The following LTBP2 variants were observed in gnomAD, a reference collection of about 807,000 sequenced individuals.
The protein encoded by LTBP2 is latent transforming growth factor beta binding protein 2.
A neutral mutation model predicts 210.6 loss-of-function variants in LTBP2; 103 were observed. The observed-to-expected ratio is 0.49, with a 90% CI of 0.42 to 0.58. LTBP2 has a LOEUF of 0.58. Among genes scored for constraint, LTBP2 ranks in the 20% least tolerant of loss-of-function variants. The pLI is 0.00. For missense variants in LTBP2, 2,313 were observed against 2,494.5 expected (o/e 0.93, Z 1.55); for synonymous variants, 1,007 against 1,015.0 (o/e 0.99, Z 0.15).
At chr14:74,597,083 C>A (rs1179489162) in intron 2 of LTBP2, among the ~76,000 whole-genome samples, 1 of 152,136 alleles carries the variant, frequency 6.6e-6, no homozygotes, top group East Asian at 1.9e-4. Flanking sequence ...CAGACTAAGT[C>A]CTGGGAAACC....
At chr14:74,581,850 G>C (rs1302640068) in intron 3 of LTBP2, among the ~76,000 whole-genome samples, 5 of 152,068 alleles carry the variant, frequency 3.3e-5, no homozygotes, top group African/African-American at 1.2e-4. Context: ...GGTGTGCAGA[G>C]AGGAAGAGAT....
At chr14:74,605,119 G>C (rs1001132995) in intron 1 of LTBP2, among the ~76,000 whole-genome samples, 18 of 152,216 alleles carry the variant, frequency 1.2e-4, no homozygotes, top group African/African-American at 4.3e-4. Flanking sequence ...TGCAGAGGCT[G>C]GACAGGCAAA....
chr14:74,504,730 G>A, intron 30 of LTBP2, 48 bp downstream of exon 30: 3 of 1,566,152 alleles, frequency 1.9e-6, no homozygotes, highest in Non-Finnish European at 2.6e-6. Context: ...GAGCAGGCTA[G>A]GGCCCACTCA....
chr14:74,563,030 C>T (rs984660133), intron 3 of LTBP2, among the ~76,000 whole-genome samples: 2 of 152,282 alleles, frequency 1.3e-5, no homozygotes, highest in Admixed American at 1.3e-4. Context: ...TTCTTCCAAG[C>T]CATGCTCTTG....
intron 1 of LTBP2, among the ~76,000 whole-genome samples, chr14:74,604,164 C>CAAAAAAAAAAAAAAAAAAAAAAAAA (rs59313477): frequency 3.3e-4 from 24 of 72,708 alleles, no homozygotes; most frequent in African/African-American, 1.4e-3. Context: ...TGCCTCTCAC[C>CAAAAAAAAAAAAAAAAAAAAAAAAA]AAAAAAAAAA....
chr14:74,506,788 T>C lies in LTBP2; in HGVS notation c.3943A>G (p.Ser1315Gly). 1 of 1,614,076 alleles carries C rather than the reference T, an allele frequency of 6.2e-7. No homozygotes were observed. Among genetic ancestry groups the C allele is most frequent in the Non-Finnish European group, 8.5e-7 (1 of 1,180,016 alleles). The part of the protein sequence containing the change: ...DECANDTMCG[S>G]HGFCDNTDGS... ...TCAGTGTTGTCACAGAAGCCGTGGC[T>C]GCCACACATGGTGTCGTTGGCGCAC... The change falls in exon 27 of 36, where the codon AGC becomes GGC. Residue 1315 changes from serine to glycine, a missense_variant. By Grantham distance (56) the Ser-to-Gly change is moderately conservative. Coordinates refer to ENST00000261978, the MANE Select transcript of LTBP2 (RefSeq NM_000428.3).
chr14:74,551,203 G>C lies in LTBP2; in HGVS notation c.1547C>G (p.Pro516Arg). Reference sequence around the variant, plus strand: ...CCAGAGGCTGTGGCCAGGGCTGGCAGGCAGCCAGGGCGGGGGTCTGGTCTC... The same window carrying C: ...CCAGAGGCTGTGGCCAGGGCTGGCACGCAGCCAGGGCGGGGGTCTGGTCTC... ...SVETRPPPWL[P>R]ASPGHSLWDS... Residue 516 changes from proline (P) to arginine (R), a missense_variant, in exon 7 of 36, where the codon CCT (proline) becomes CGT (arginine). Coordinates refer to ENST00000261978, the MANE Select transcript of LTBP2 (RefSeq NM_000428.3). 6.2e-7 allele frequency: 1 copy of C among 1,613,594 alleles called. No individual in the cohort carries two copies. Among genetic ancestry groups the C allele is most frequent in the South Asian group, 1.1e-5 (1 of 91,082 alleles).
At chr14:74,544,954 C>T (rs2087559143) in intron 8 of LTBP2, among the ~76,000 whole-genome samples, 2 of 152,202 alleles carry the variant, frequency 1.3e-5, no homozygotes, top group African/African-American at 4.8e-5. Flanking sequence ...AGCCTACACC[C>T]TTCTCCCTAG....
chr14:74,501,412 T>G lies in LTBP2; in HGVS notation c.5320+29A>C, dbSNP rs563278459. ...CGTCTCTGTGGGCAGTGGGCCAGCCTGACTCCTCCATCAGAATTCTGCACT... is the reference window on the plus strand; with the variant it reads ...CGTCTCTGTGGGCAGTGGGCCAGCCGGACTCCTCCATCAGAATTCTGCACT... On this transcript the variant is annotated intron_variant, in intron 35 of 35. Transcript: ENST00000261978. The G allele has an allele frequency of 7.4e-6, 12 of 1,613,934 alleles. No individual in the cohort carries two copies. In the Admixed American group the frequency reaches 2.0e-4, roughly 27 times the overall value.
At chr14:74,526,648 G>C (rs1196498744) in intron 13 of LTBP2, among the ~76,000 whole-genome samples, 2 of 152,218 alleles carry the variant, frequency 1.3e-5, no homozygotes, top group Non-Finnish European at 2.9e-5. Context: ...CAGAGTTAGA[G>C]CTTTGGCCTG....
chr14:74,594,501 C>A (rs1015797425), intron 2 of LTBP2, among the ~76,000 whole-genome samples: 6 of 152,200 alleles, frequency 3.9e-5, no homozygotes, highest in Non-Finnish European at 8.8e-5. Flanking sequence ...AAGACCCTAT[C>A]CACTGAGCCA....
chr14:74,585,084 C>A (rs1432251334), intron 3 of LTBP2, among the ~76,000 whole-genome samples: 2 of 152,198 alleles, frequency 1.3e-5, no homozygotes, highest in Non-Finnish European at 2.9e-5. Context: ...GAAATGGACT[C>A]GTTTATAAAG....
chr14:74,566,538 A>C (rs763364544), intron 3 of LTBP2, among the ~76,000 whole-genome samples: 1 of 152,110 alleles, frequency 6.6e-6, no homozygotes, highest in Non-Finnish European at 1.5e-5. Context: ...GCCCTTGCAG[A>C]GCTCTGCTCC....
intron 13 of LTBP2, 103 bp from the exon 14 acceptor site, chr14:74,526,217 C>T: frequency 8.8e-7 from 1 of 1,134,988 alleles, no homozygotes. Flanking sequence ...CTACCAGGAG[C>T]TCATTCATGT....
intron 8 of LTBP2, among the ~76,000 whole-genome samples, chr14:74,545,122 C>T (rs1047748662): frequency 3.3e-5 from 5 of 152,146 alleles, no homozygotes; most frequent in Non-Finnish European, 7.4e-5. Flanking sequence ...GCATCCTGAT[C>T]TTTGTTTCCT....
At chr14:74,572,461 T>TA (rs1288783435) in intron 3 of LTBP2, among the ~76,000 whole-genome samples, 2 of 150,520 alleles carry the variant, frequency 1.3e-5, no homozygotes, top group Non-Finnish European at 3.0e-5. Flanking sequence ...TTTTTTTTTT[T>TA]AAACTGTGAT....
At chr14:74,509,174 C>T in intron 22 of LTBP2, 64 bp downstream of exon 22, 3 of 1,611,910 alleles carry the variant, frequency 1.9e-6, no homozygotes, top group African/African-American at 1.3e-5. Context: ...ACCTGCTGGG[C>T]TTCACCATGG....
intron 1 of LTBP2, among the ~76,000 whole-genome samples, chr14:74,609,591 G>A (rs2088576590): frequency 6.6e-6 from 1 of 152,062 alleles, no homozygotes; most frequent in Non-Finnish European, 1.5e-5. Context: ...CTTGTCCTTG[G>A]GCAGTGCTAC....
chr14:74,519,937 T>C (rs966572688), intron 17 of LTBP2, among the ~76,000 whole-genome samples: 1 of 152,156 alleles, frequency 6.6e-6, no homozygotes, highest in African/African-American at 2.4e-5. Context: ...TCCTGGCTCC[T>C]CCAGCCTGTT....
Sources: allele counts gnomAD v4.1 joint callset (sites outside exome capture counted in the v4.1 genomes callset), GRCh38; gene constraint gnomAD v4.1.1; transcripts MANE v1.5; gene names NCBI Gene and HGNC (gene_info 2026-07-23, HGNC 2026-07-21).